The following TEK variants were observed in gnomAD, a reference collection of about 807,000 sequenced individuals.
TEK encodes the protein TEK receptor tyrosine kinase.
Under a neutral mutation model 131.8 loss-of-function variants are expected in TEK, and 43 were observed. The observed-to-expected ratio is 0.33, with a 90% CI of 0.26 to 0.42. TEK has a LOEUF of 0.42. Ranked by LOEUF, TEK falls within the 10% of genes least tolerant of loss-of-function variation. TEK has a pLI of 1.00. For synonymous variants in TEK, 580 were observed against 491.6 expected, an observed-to-expected ratio of 1.18 and a Z score of -2.38; for missense variants, 1,162 against 1,384.4, an observed-to-expected ratio of 0.84 and a Z score of 2.55.
intron 19 of TEK, among the ~76,000 whole-genome samples, chr9:27,218,130 T>TTGTGG (rs9298888): frequency 7.2e-6 from 1 of 139,514 alleles, no homozygotes; most frequent in African/African-American, 2.6e-5. Context: ...GGCCAGACAG[T>TTGTGG]GGCGGGGGTC....
intron 1 of TEK, among the ~76,000 whole-genome samples, chr9:27,124,672 A>G (rs770016527): frequency 1.3e-4 from 20 of 151,910 alleles, no homozygotes; most frequent in Non-Finnish European, 2.4e-4. Flanking sequence ...CTGTGGTGCA[A>G]CTCACTCGGC....
At chr9:27,169,380 G>T in intron 3 of TEK, 97 bp from the exon 4 acceptor site, 2 of 1,527,608 alleles carry the variant, frequency 1.3e-6, no homozygotes, top group South Asian at 1.1e-5. Flanking sequence ...ACATTTTCTT[G>T]ACCATGTCAG....
At chr9:27,172,440 T>C (rs10967756) in intron 4 of TEK, among the ~76,000 whole-genome samples, 176 bp from the exon 5 acceptor site, 3,483 of 152,300 alleles carry the variant, frequency 0.023, 61 homozygotes, top group South Asian at 0.075. Context: ...TCTGTCGCGA[T>C]TTCCTGTTTA....
intron 2 of TEK, 92 bp from the exon 3 acceptor site, chr9:27,168,403 G>C: frequency 2.1e-6 from 2 of 950,814 alleles, no homozygotes; most frequent in Non-Finnish European, 3.4e-6. Flanking sequence ...CCTAGCAAGT[G>C]CCAGCCCTCA....
rs745861773 is a variant in TEK, at chr9:27,228,240, C to G, written c.3235C>G (p.Pro1079Ala). Residue 1079 changes from proline to alanine, a missense_variant, in exon 22 of 23, where the codon CCT becomes GCT. By Grantham distance (27) the Pro-to-Ala change is conservative (BLOSUM62 -1). Transcript: ENST00000380036. ...AATGAGACAATGCTGGCGGGAGAAGCCTTATGAGAGGCCATCATTTGCCCA... is the reference window on the plus strand; with the variant it reads ...AATGAGACAATGCTGGCGGGAGAAGGCTTATGAGAGGCCATCATTTGCCCA... Reference protein sequence around the residue: ...DLMRQCWREKPYERPSFAQIL... With the variant: ...DLMRQCWREKAYERPSFAQIL... 3 of 1,612,914 alleles carry G rather than the reference C, an allele frequency of 1.9e-6. No individual in the cohort carries two copies. The highest frequency in any genetic ancestry group is 2.7e-5 in the African/African-American group (2 of 74,830).
intron 21 of TEK, among the ~76,000 whole-genome samples, chr9:27,226,934 T>C (rs1818868959): frequency 6.6e-6 from 1 of 152,132 alleles, no homozygotes; most frequent in Admixed American, 6.6e-5. Context: ...GAGCTACTTC[T>C]AAGAGTGAAG....
chr9:27,130,331 G>A (rs999303900), intron 1 of TEK, among the ~76,000 whole-genome samples: 5 of 151,938 alleles, frequency 3.3e-5, no homozygotes, highest in Non-Finnish European at 2.9e-5. Flanking sequence ...TGGAAAAAAG[G>A]GTTGTTTAAA....
rs1435073256 is a variant in TEK at position 27,218,324 on chromosome 9, G to A, written c.3063-453G>A. Among the ~76,000 whole-genome samples, 6 of 152,054 alleles carry A rather than the reference G, an allele frequency of 3.9e-5. No homozygotes were observed. In the East Asian group the frequency reaches 9.6e-4, roughly 24 times the overall value. ...CATGAGGAGGGGGTGGGCAATTGCT[G>A]TGTCCTCACTGTATGCAAGGTGCTT... is the stretch of plus-strand genomic sequence containing the variant. On this transcript the variant is annotated intron_variant, in intron 19 of 22. Transcript: ENST00000380036.
At chr9:27,119,304 T>A (rs113992110) in intron 1 of TEK, among the ~76,000 whole-genome samples, 1 of 152,150 alleles carries the variant, frequency 6.6e-6, no homozygotes, top group African/African-American at 2.4e-5. Flanking sequence ...TTCATGTGGT[T>A]TTGGGGAAGA....
chr9:27,133,550 C>T (rs532425432), intron 1 of TEK, among the ~76,000 whole-genome samples: 1 of 152,316 alleles, frequency 6.6e-6, no homozygotes, highest in African/African-American at 2.4e-5. Context: ...CCAGTGTCCT[C>T]CACTTATTGC....
intron 21 of TEK, among the ~76,000 whole-genome samples, chr9:27,221,164 A>ACTGGGTG (rs1826058573): frequency 6.6e-6 from 1 of 152,144 alleles, no homozygotes; most frequent in African/African-American, 2.4e-5. Context: ...GGAAGTTCGA[A>ACTGGGTG]CTGGGTGGAG....
At chr9:27,117,246 G>A (rs1417785220) in intron 1 of TEK, among the ~76,000 whole-genome samples, 1 of 152,172 alleles carries the variant, frequency 6.6e-6, no homozygotes, top group Non-Finnish European at 1.5e-5. Context: ...CCAGCCTGCA[G>A]GTGTGTTATT....
In TEK at chr9:27,178,826, C is replaced by T. The variant is rs141286595; in HGVS notation, c.902-1414C>T. ...CAGGAGCTTATTACAAGTATCAAAA[C>T]ATAATTTGAATGGCTTAAATATTCT... is the stretch of plus-strand genomic sequence containing the variant. On this transcript the variant is annotated intron_variant, in intron 6 of 22. Transcript: ENST00000380036. Among the ~76,000 whole-genome samples, 731 of 152,276 alleles carry T rather than the reference C, an allele frequency of 4.8e-3. 3 individuals carry two copies. The highest frequency in any genetic ancestry group is 0.016 in the African/African-American group (682 of 41,554).
chr9:27,165,783 C>T (rs1269060341), intron 2 of TEK, among the ~76,000 whole-genome samples: 3 of 152,164 alleles, frequency 2.0e-5, no homozygotes, highest in Admixed American at 6.5e-5. Flanking sequence ...TGATCTACCC[C>T]GTGCTCTCTC....
intron 6 of TEK, among the ~76,000 whole-genome samples, chr9:27,174,143 T>G (rs1369540166): frequency 6.6e-6 from 1 of 152,166 alleles, no homozygotes; most frequent in African/African-American, 2.4e-5. Flanking sequence ...AGTATGCATT[T>G]CACATCTACT....
At position 27,213,569 on chromosome 9, in the gene TEK, G is replaced by A. The variant is rs940964074; in HGVS notation, c.2963G>A (p.Gly988Asp). Residue 988 changes from glycine (G) to aspartate (D), a missense_variant, in exon 18 of 23, where the codon GGT (glycine) becomes GAT (aspartate). Transcript: ENST00000380036. ...AKIADFGLSR[G>D]QEVYVKKTMG... Reference sequence around the variant, plus strand: ...ATAGCAGATTTTGGATTGTCCCGAGGTCAAGAGGTGTATGTGAAAAAGACA... The same window carrying A: ...ATAGCAGATTTTGGATTGTCCCGAGATCAAGAGGTGTATGTGAAAAAGACA... 18 of 1,613,736 alleles carry A rather than the reference G, an allele frequency of 1.1e-5. No individual in the cohort carries two copies. Among genetic ancestry groups the A allele is most frequent in the Non-Finnish European group, 1.3e-5 (15 of 1,179,822 alleles).
At chr9:27,167,254 G>A (rs1008801146) in intron 2 of TEK, among the ~76,000 whole-genome samples, 12 of 151,846 alleles carry the variant, frequency 7.9e-5, no homozygotes, top group African/African-American at 2.7e-4. Flanking sequence ...TTGAGACTGA[G>A]TCTTGCTCTG....
intron 1 of TEK, among the ~76,000 whole-genome samples, chr9:27,138,102 G>A (rs1021950955): frequency 6.6e-6 from 1 of 152,222 alleles, no homozygotes; most frequent in African/African-American, 2.4e-5. Context: ...ACTGACCTCA[G>A]GAGTGAAGCC....
chr9:27,117,360 C>T (rs1821612023), intron 1 of TEK, among the ~76,000 whole-genome samples: 1 of 152,160 alleles, frequency 6.6e-6, no homozygotes, highest in South Asian at 2.1e-4. Context: ...AAAGTTGCCT[C>T]CCTTATTTTT....
Sources: allele counts gnomAD v4.1 joint callset (sites outside exome capture counted in the v4.1 genomes callset), GRCh38; gene constraint gnomAD v4.1.1; transcripts MANE v1.5; gene names NCBI Gene and HGNC (gene_info 2026-07-23, HGNC 2026-07-21).